Variants in TMEM117 observed in about 807,000 individuals in gnomAD.
TMEM117 encodes transmembrane protein 117.
A neutral mutation model predicts 52.4 loss-of-function variants in TMEM117; 27 were observed. That is an observed-to-expected ratio of 0.51 (90% CI 0.38 to 0.71). The LOEUF (loss-of-function observed/expected upper bound fraction) is 0.71, where lower values mean the gene tolerates loss of function less well. TMEM117 is among the 30% of genes least tolerant of loss of function. The probability of loss-of-function intolerance (pLI) is 0.00; values close to 1 mark genes in which losing one functional copy is unlikely to be tolerated. For missense variants in TMEM117, 556 were observed against 630.5 expected (o/e 0.88, Z 1.26); for synonymous variants, 215 against 206.3 (o/e 1.04, Z -0.36).
intron 3 of TMEM117, among the ~76,000 whole-genome samples, chr12:43,975,870 A>G (rs952650654): frequency 8.5e-5 from 13 of 152,188 alleles, no homozygotes; most frequent in Non-Finnish European, 1.8e-4. Context: ...TTAGGATGAC[A>G]TGGAAAAACA....
chr12:44,208,723 ATGTT>A (rs1263067518), intron 4 of TMEM117, among the ~76,000 whole-genome samples: 1 of 110,554 alleles, frequency 9.0e-6, no homozygotes, highest in African/African-American at 4.1e-5. Flanking sequence ...ATCAGAAAGA[ATGTT>A]TTTTTTTTTT....
chr12:44,296,682 C>T lies in TMEM117; in HGVS notation c.609-2898C>T, dbSNP rs530607465. Among the ~76,000 whole-genome samples the T allele has an allele frequency of 3.9e-4, 59 of 152,318 alleles. 1 individual carries two copies. The highest frequency in any genetic ancestry group is 7.2e-4 in the Admixed American group (11 of 15,308). ...CACCAGGGCATGAATGGGCATATCT[C>T]CTGGCAGGTCCCTGTGTGGGAAGAA... On this transcript the variant is annotated intron_variant, in intron 5 of 7. Transcript: ENST00000266534.
intron 4 of TMEM117, among the ~76,000 whole-genome samples, chr12:44,157,173 C>T (rs867737723): frequency 6.6e-6 from 1 of 152,160 alleles, no homozygotes; most frequent in African/African-American, 2.4e-5. Context: ...TCTTCTGATA[C>T]CTGCCCACCA....
At chr12:44,332,342 C>T (rs566536707) in intron 6 of TMEM117, among the ~76,000 whole-genome samples, 1 of 152,168 alleles carries the variant, frequency 6.6e-6, no homozygotes, top group East Asian at 1.9e-4. Flanking sequence ...GAAAAAATAT[C>T]TTCTTACTTT....
At chr12:44,088,540 C>G (rs1241073381) in intron 3 of TMEM117, among the ~76,000 whole-genome samples, 3 of 152,200 alleles carry the variant, frequency 2.0e-5, no homozygotes, top group African/African-American at 7.2e-5. Flanking sequence ...ATCACAGCCT[C>G]TGGCGCATGA....
In TMEM117 at chr12:44,056,790, CATATATTTTATGT is replaced by C. The variant is rs1217674784; in HGVS notation, c.411-86732_411-86720del. On this transcript the variant is annotated intron_variant, in intron 3 of 7. Coordinates refer to ENST00000266534, the MANE Select transcript of TMEM117 (RefSeq NM_032256.3). ...TCTCTCTGTCTTTCTCTGTGTATAA[CATATATTTTATGT>C]ATTTTCAAATCTTCGTATTGATATA... Among the ~76,000 whole-genome samples, 7 of 152,230 alleles carry C rather than the reference CATATATTTTATGT, an allele frequency of 4.6e-5. No homozygotes were observed. The East Asian group carries it at 7.7e-4, about 17-fold the overall frequency.
chr12:43,824,935 A>AAAC, the TMEM117 span, among the ~76,000 whole-genome samples: 1 of 152,166 alleles, frequency 6.6e-6, no homozygotes, highest in Admixed American at 6.5e-5. Flanking sequence ...CTCCGTCTCA[A>AAAC]AACAAAACAA....
chr12:44,092,789 T>C (rs1947695973), intron 3 of TMEM117, among the ~76,000 whole-genome samples: 1 of 152,164 alleles, frequency 6.6e-6, no homozygotes, highest in Admixed American at 6.5e-5. Context: ...GAGCTCCAAC[T>C]CTCTGCCAGG....
intron 6 of TMEM117, among the ~76,000 whole-genome samples, chr12:44,316,501 C>A (rs76421168): frequency 6.6e-6 from 1 of 152,024 alleles, no homozygotes; most frequent in Non-Finnish European, 1.5e-5. Context: ...TTTTCTCTAG[C>A]TGCCTTTAAG....
At chr12:43,845,264 C>T (rs1460504536) in intron 2 of TMEM117, among the ~76,000 whole-genome samples, 19 of 151,952 alleles carry the variant, frequency 1.3e-4, no homozygotes, top group Admixed American at 1.2e-3. Flanking sequence ...AGTTTGAGAT[C>T]AGCCTGGCGA....
chr12:44,141,907 T>G (rs1003632587), intron 3 of TMEM117, among the ~76,000 whole-genome samples: 28 of 152,294 alleles, frequency 1.8e-4, no homozygotes, highest in East Asian at 1.2e-3. Context: ...TTAGGATTTA[T>G]CTTAAAGGGA....
chr12:43,936,818 T>C (rs1179755639), intron 2 of TMEM117, among the ~76,000 whole-genome samples: 1 of 152,132 alleles, frequency 6.6e-6, no homozygotes, highest in African/African-American at 2.4e-5. Flanking sequence ...TTCAGTGGAA[T>C]GTTTGCATGG....
chr12:44,191,899 G>T (rs1250677265), intron 4 of TMEM117, among the ~76,000 whole-genome samples: 1 of 151,982 alleles, frequency 6.6e-6, no homozygotes, highest in Non-Finnish European at 1.5e-5. Flanking sequence ...AACCTTAAAT[G>T]GGAAAATATT....
intron 6 of TMEM117, among the ~76,000 whole-genome samples, chr12:44,333,067 T>A (rs182380366): frequency 6.6e-6 from 1 of 152,154 alleles, no homozygotes; most frequent in Admixed American, 6.6e-5. Context: ...TGAAGAGTGT[T>A]CCTTAATATT....
intron 3 of TMEM117, among the ~76,000 whole-genome samples, chr12:43,975,741 A>T (rs1444922856): frequency 1.3e-5 from 2 of 152,240 alleles, no homozygotes; most frequent in African/African-American, 4.8e-5. Flanking sequence ...ACCAAACATT[A>T]GCAGACTCTC....
At chr12:43,876,080 G>A (rs1943790491) in intron 2 of TMEM117, among the ~76,000 whole-genome samples, 1 of 152,334 alleles carries the variant, frequency 6.6e-6, no homozygotes, top group Admixed American at 6.5e-5. Context: ...GATGTCATCT[G>A]AAGGTACAAG....
intron 2 of TMEM117, among the ~76,000 whole-genome samples, chr12:43,917,599 C>T (rs988784579): frequency 5.9e-5 from 9 of 152,122 alleles, no homozygotes; most frequent in Non-Finnish European, 1.3e-4. Context: ...CACCTTTACC[C>T]ATTATGCATA....
intron 3 of TMEM117, among the ~76,000 whole-genome samples, chr12:44,052,532 G>A (rs1405568427): frequency 6.6e-6 from 1 of 152,078 alleles, no homozygotes; most frequent in Non-Finnish European, 1.5e-5. Flanking sequence ...GTGTTGCTGG[G>A]AATCTCTCTC....
At chr12:44,269,511 T>G (rs1790874163) in intron 5 of TMEM117, among the ~76,000 whole-genome samples, 7 of 151,954 alleles carry the variant, frequency 4.6e-5, no homozygotes, top group Admixed American at 4.6e-4. Flanking sequence ...TTAGTTTTGT[T>G]TTTTCTATTC....
Sources: gnomAD v4.1 joint callset for allele counts (sites outside exome capture counted in the v4.1 genomes callset) on GRCh38, gnomAD v4.1.1 for gene constraint, MANE v1.5 for transcripts, NCBI Gene and HGNC (gene_info 2026-07-23, HGNC 2026-07-21) for gene names.